RAD51B: variants seen among roughly 807,000 people sequenced by gnomAD.
RAD51B encodes the protein DNA repair protein RAD51 homolog 2.
Under a neutral mutation model 42.2 loss-of-function variants are expected in RAD51B, and 38 were observed. The observed-to-expected ratio is 0.90, with a 90% CI of 0.70 to 1.18. The LOEUF is 1.18. Ranked by LOEUF, RAD51B falls within the 50% of genes most tolerant of loss-of-function variation. The pLI, the probability that RAD51B is intolerant of heterozygous loss-of-function variation, is 0.00. For synonymous variants in RAD51B, 154 were observed against 145.2 expected, an observed-to-expected ratio of 1.06 and a Z score of -0.43; for missense variants, 373 against 400.7, an observed-to-expected ratio of 0.93 and a Z score of 0.59.
chr14:68,127,960 G>T (rs2077806715), intron 7 of RAD51B, among the ~76,000 whole-genome samples: 1 of 152,084 alleles, frequency 6.6e-6, no homozygotes, highest in Admixed American at 6.6e-5. Context: ...CCTAGCATAG[G>T]GCTTGGAGAG....
rs549217631 is a variant in RAD51B at position 68,190,284 on chromosome 14, G to A, written c.757-101600G>A. Among the ~76,000 whole-genome samples the A allele has an allele frequency of 2.0e-5, 3 of 152,176 alleles. No individual in the cohort carries two copies. In the South Asian group the frequency reaches 6.2e-4, roughly 32 times the overall value. On this transcript the variant is annotated intron_variant, in intron 7 of 10. Transcript: ENST00000471583. ...AACACATTTCCCTACTTAAAAGGCT[G>A]GTCCAGGTACTTTTTTTGTGCTAGA...
chr14:68,059,134 G>A (rs757471738), intron 7 of RAD51B, among the ~76,000 whole-genome samples: 8 of 151,948 alleles, frequency 5.3e-5, no homozygotes, highest in South Asian at 4.2e-4. Flanking sequence ...TCACTTATGC[G>A]TGATCCCAAT....
At chr14:68,220,888 T>C (rs979893176) in intron 7 of RAD51B, among the ~76,000 whole-genome samples, 1 of 151,964 alleles carries the variant, frequency 6.6e-6, no homozygotes, top group Admixed American at 6.5e-5. Flanking sequence ...ATCCCAGCAC[T>C]TTGGGAGGCC....
intron 7 of RAD51B, among the ~76,000 whole-genome samples, chr14:68,279,252 A>G (rs974717166): frequency 6.6e-5 from 10 of 152,222 alleles, no homozygotes; most frequent in Admixed American, 5.9e-4. Context: ...GACAGAAAAA[A>G]GCTTGCTTGT....
chr14:68,476,036 T>C (rs1218314982), intron 10 of RAD51B, among the ~76,000 whole-genome samples: 3 of 128,198 alleles, frequency 2.3e-5, no homozygotes, highest in Non-Finnish European at 4.9e-5. Flanking sequence ...GGTCAAGAGA[T>C]ATAAGGCTGA....
At chr14:67,951,307 A>C (rs2074440781) in intron 7 of RAD51B, among the ~76,000 whole-genome samples, 1 of 152,158 alleles carries the variant, frequency 6.6e-6, no homozygotes, top group African/African-American at 2.4e-5. Flanking sequence ...GGGTGTAATA[A>C]TAATATCATT....
intron 4 of RAD51B, among the ~76,000 whole-genome samples, chr14:67,836,370 T>C (rs918876005): frequency 6.6e-6 from 1 of 152,120 alleles, no homozygotes; most frequent in African/African-American, 2.4e-5. Context: ...AAGATGGAAG[T>C]GGTGATATCT....
At chr14:68,319,437 G>T (rs977698100) in intron 8 of RAD51B, among the ~76,000 whole-genome samples, 2 of 152,132 alleles carry the variant, frequency 1.3e-5, no homozygotes, top group African/African-American at 4.8e-5. Context: ...AAGGAGCCTG[G>T]GAGCTTTTAT....
chr14:67,854,235 A>T (rs886839472), intron 4 of RAD51B, among the ~76,000 whole-genome samples: 2 of 152,194 alleles, frequency 1.3e-5, no homozygotes, highest in African/African-American at 4.8e-5. Context: ...AAAGAGTAAA[A>T]TCTTCCCCTT....
At chr14:68,554,187 G>T (rs1215699917) in intron 10 of RAD51B, among the ~76,000 whole-genome samples, 1 of 152,184 alleles carries the variant, frequency 6.6e-6, no homozygotes. Context: ...ACAGATTTGT[G>T]ATAATTAATC....
chr14:68,053,819 C>T (rs2076431843), intron 7 of RAD51B, among the ~76,000 whole-genome samples: 1 of 152,166 alleles, frequency 6.6e-6, no homozygotes, highest in African/African-American at 2.4e-5. Context: ...TTTGTTTCCT[C>T]TAAGAGTTCA....
intron 7 of RAD51B, among the ~76,000 whole-genome samples, chr14:68,153,892 C>G (rs2078443934): frequency 6.6e-6 from 1 of 152,138 alleles, no homozygotes; most frequent in Admixed American, 6.5e-5. Context: ...TGAGTGTATT[C>G]CCTAAGAGAT....
chr14:67,832,947 TA>T (rs1387649845), intron 3 of RAD51B, among the ~76,000 whole-genome samples: 1 of 152,146 alleles, frequency 6.6e-6, no homozygotes, highest in Non-Finnish European at 1.5e-5. Flanking sequence ...TAAAAGTAAT[TA>T]AAAAAACAAT....
At chr14:68,596,046 C>T, downstream of RAD51B, 1 of 1,049,590 alleles carries the variant, frequency 9.5e-7, no homozygotes, top group Non-Finnish European at 1.2e-6. Context: ...TCTGAGAGAC[C>T]AGCAGATGTG....
intron 10 of RAD51B, among the ~76,000 whole-genome samples, chr14:68,508,628 C>T (rs954551486): frequency 6.6e-6 from 1 of 152,148 alleles, no homozygotes; most frequent in African/African-American, 2.4e-5. Context: ...GGTCTCCACC[C>T]CAGGCCTGGT....
At chr14:68,080,201 A>G (rs2076892557) in intron 7 of RAD51B, among the ~76,000 whole-genome samples, 1 of 152,210 alleles carries the variant, frequency 6.6e-6, no homozygotes, top group Admixed American at 6.5e-5. Context: ...AAGGATGGAA[A>G]CAGTTGCTTC....
chr14:68,331,994 A>T (rs2082361008), intron 8 of RAD51B, among the ~76,000 whole-genome samples: 1 of 152,236 alleles, frequency 6.6e-6, no homozygotes, highest in East Asian at 1.9e-4. Context: ...ATTAACTTAG[A>T]AAACCAAGCA....
At chr14:68,191,380 C>A (rs2079264205) in intron 7 of RAD51B, among the ~76,000 whole-genome samples, 2 of 151,984 alleles carry the variant, frequency 1.3e-5, no homozygotes, top group African/African-American at 4.8e-5. Context: ...TAGGACAACC[C>A]AATAAAAGGT....
chr14:68,359,019 T>C (rs1219617497), intron 8 of RAD51B, among the ~76,000 whole-genome samples: 1 of 152,098 alleles, frequency 6.6e-6, no homozygotes, highest in Admixed American at 6.6e-5. Flanking sequence ...TCCTAATTCA[T>C]ACCACCCCAC....
Sources: gnomAD v4.1 joint callset for allele counts (sites outside exome capture counted in the v4.1 genomes callset) on GRCh38, gnomAD v4.1.1 for gene constraint, MANE v1.5 for transcripts, NCBI Gene and HGNC (gene_info 2026-07-23, HGNC 2026-07-21) for gene names.